Variants in TAFA5 observed in about 807,000 individuals in gnomAD.
TAFA5 encodes chemokine-like protein TAFA-5.
Under a neutral mutation model 15.3 loss-of-function variants are expected in TAFA5, and 6 were observed. That is an observed-to-expected ratio of 0.39 (90% CI 0.21 to 0.77). TAFA5 has a LOEUF of 0.77. TAFA5 is among the 30% of genes least tolerant of loss of function. The pLI is 0.41. For missense variants in TAFA5, 161 were observed against 193.1 expected (o/e 0.83, Z 0.98); for synonymous variants, 103 against 80.7 (o/e 1.28, Z -1.48).
intron 1 of TAFA5, among the ~76,000 whole-genome samples, chr22:48,594,216 G>A (rs1373542564): frequency 1.3e-5 from 2 of 152,196 alleles, no homozygotes; most frequent in African/African-American, 4.8e-5. Context: ...GCGTTGGGGT[G>A]CAGGCGAGAC....
intron 3 of TAFA5, among the ~76,000 whole-genome samples, chr22:48,732,062 C>T (rs930204557): frequency 8.5e-5 from 13 of 152,074 alleles, no homozygotes; most frequent in Non-Finnish European, 1.8e-4. Flanking sequence ...TGAATCCAAC[C>T]CTCATGCATG....
At chr22:48,633,802 G>A (rs1487535584) in intron 1 of TAFA5, among the ~76,000 whole-genome samples, 2 of 152,182 alleles carry the variant, frequency 1.3e-5, no homozygotes, top group Non-Finnish European at 2.9e-5. Flanking sequence ...ATGAGGATAT[G>A]GGAGGAAGCC....
chr22:48,500,158 G>A (rs1421249117), intron 1 of TAFA5, among the ~76,000 whole-genome samples: 1 of 152,022 alleles, frequency 6.6e-6, no homozygotes, highest in African/African-American at 2.4e-5. Flanking sequence ...ATTTTAGGAT[G>A]ATAAAAACGG....
At chr22:48,538,529 C>T (rs906278674) in intron 1 of TAFA5, among the ~76,000 whole-genome samples, 1 of 152,218 alleles carries the variant, frequency 6.6e-6, no homozygotes, top group African/African-American at 2.4e-5. Context: ...GTCAGCTCTC[C>T]CTGCACTGGT....
chr22:48,584,361 C>T (rs146670844), intron 1 of TAFA5, among the ~76,000 whole-genome samples: 2,050 of 148,440 alleles, frequency 0.014, 32 homozygotes, highest in Non-Finnish European at 0.019. Flanking sequence ...ACACCGTGCA[C>T]CACACACAGT....
intron 2 of TAFA5, among the ~76,000 whole-genome samples, chr22:48,686,251 A>G (rs1928349967): frequency 6.6e-6 from 1 of 152,220 alleles, no homozygotes; most frequent in Non-Finnish European, 1.5e-5. Flanking sequence ...TTTGTCTGCT[A>G]TGGCTGCTAT....
At chr22:48,508,062 C>T (rs1921069031) in intron 1 of TAFA5, among the ~76,000 whole-genome samples, 1 of 152,158 alleles carries the variant, frequency 6.6e-6, no homozygotes. Context: ...GAGCCGCCCG[C>T]TTGCAGAGAG....
At chr22:48,724,178 G>C (rs541380503) in intron 3 of TAFA5, among the ~76,000 whole-genome samples, 1 of 152,052 alleles carries the variant, frequency 6.6e-6, no homozygotes, top group Non-Finnish European at 1.5e-5. Context: ...GGAGAGACTC[G>C]GGGTTCTCGT....
rs913511926 is a variant in TAFA5 at position 48,651,572 on chromosome 22, T to G, written c.262+4826T>G. Among the ~76,000 whole-genome samples the G allele has an allele frequency of 3.3e-5, 5 of 152,126 alleles. No homozygotes were observed. In the East Asian group the frequency reaches 9.7e-4, roughly 29 times the overall value. ...GGTGGCCAGAGTCTTTGCTTCTCTG[T>G]GGTTGGGAGTTTGAGGCAGGCGTGG... On this transcript the variant is annotated intron_variant, in intron 2 of 3. Transcript: ENST00000402357.
chr22:48,546,557 G>A (rs1280967707), intron 1 of TAFA5: 3 of 471,068 alleles, frequency 6.4e-6, no homozygotes, highest in African/African-American at 4.0e-5. Flanking sequence ...TACGGATGAT[G>A]TGGACTGCTG....
rs28706164 is a variant in TAFA5, at chr22:48,605,652, T to C, written c.113-40945T>C. ...TGAAGTTTTGAGAGGTCAAGAAACT[T>C]GCCCAAGGCCCAAAGCTTGTACCTG... On this transcript the variant is annotated intron_variant, in intron 1 of 3. Transcript: ENST00000402357. 2.9e-4 allele frequency among the ~76,000 whole-genome samples: 44 copies of C among 152,312 alleles called. No individual in the cohort carries two copies. The East Asian group carries it at 6.7e-3, about 23-fold the overall frequency.
intron 1 of TAFA5, among the ~76,000 whole-genome samples, chr22:48,627,426 C>T (rs1364691269): frequency 2.0e-5 from 3 of 152,258 alleles, no homozygotes; most frequent in South Asian, 2.1e-4. Flanking sequence ...GAGGGCGCCG[C>T]GTGCAGGCTG....
chr22:48,727,460 A>C (rs761732385), intron 3 of TAFA5, among the ~76,000 whole-genome samples: 4 of 152,232 alleles, frequency 2.6e-5, no homozygotes, highest in Non-Finnish European at 5.9e-5. Flanking sequence ...GCTATCACAA[A>C]TAGAGACAAA....
chr22:48,671,680 T>C (rs1298947572), intron 2 of TAFA5, among the ~76,000 whole-genome samples: 1 of 152,146 alleles, frequency 6.6e-6, no homozygotes, highest in African/African-American at 2.4e-5. Context: ...TCCCAGGGCC[T>C]AATGAGACCT....
chr22:48,621,680 T>C (rs1272826516), intron 1 of TAFA5, among the ~76,000 whole-genome samples: 1 of 152,156 alleles, frequency 6.6e-6, no homozygotes, highest in Non-Finnish European at 1.5e-5. Context: ...CCCAGGCCCG[T>C]GGCCTCGGGG....
chr22:48,649,687 C>T (rs2147204854), intron 2 of TAFA5, among the ~76,000 whole-genome samples: 1 of 152,152 alleles, frequency 6.6e-6, no homozygotes, highest in South Asian at 2.1e-4. Flanking sequence ...AGCCACAGCC[C>T]TCCTGGCTGC....
Position 48,550,663 on chromosome 22 carries a change from C to T in TAFA5, c.112+60959C>T, listed in dbSNP as rs1042636483. Among the ~76,000 whole-genome samples the T allele has an allele frequency of 8.5e-5, 13 of 152,150 alleles. No homozygotes were observed. Among genetic ancestry groups the T allele is most frequent in the Non-Finnish European group, 1.9e-4 (13 of 68,030 alleles). ...AGGTCCCTTTGCAGGTTGGAACCTGCGGCTCCAAGGTGAGGTGGCTTGCCT... is the reference window on the plus strand; with the variant it reads ...AGGTCCCTTTGCAGGTTGGAACCTGTGGCTCCAAGGTGAGGTGGCTTGCCT... On this transcript the variant is annotated intron_variant, in intron 1 of 3. Coordinates refer to ENST00000402357, the MANE Select transcript of TAFA5 (RefSeq NM_001082967.3). The surrounding 1 kb of genome is among the most constrained non-coding windows in gnomAD (Gnocchi z 4.1).
chr22:48,645,275 C>G (rs1387997852), intron 1 of TAFA5, among the ~76,000 whole-genome samples: 1 of 152,062 alleles, frequency 6.6e-6, no homozygotes, highest in African/African-American at 2.4e-5. Flanking sequence ...ACCTGGAGCA[C>G]GGGCACTGTC....
intron 1 of TAFA5, among the ~76,000 whole-genome samples, chr22:48,615,850 G>A (rs1925584329): frequency 6.6e-6 from 1 of 152,200 alleles, no homozygotes; most frequent in African/African-American, 2.4e-5. Flanking sequence ...TCTCTGCATT[G>A]CACATCCCTC....
Sources: allele counts gnomAD v4.1 joint callset (sites outside exome capture counted in the v4.1 genomes callset), GRCh38; gene constraint gnomAD v4.1.1; non-coding constraint Gnocchi (gnomAD v3.1); transcripts MANE v1.5; gene names NCBI Gene and HGNC (gene_info 2026-07-23, HGNC 2026-07-21).